Variants in EFL1 observed in about 807,000 individuals in gnomAD.
The protein encoded by EFL1 is elongation factor-like GTPase 1.
Under a neutral mutation model 126.7 loss-of-function variants are expected in EFL1, and 76 were observed. That is an observed-to-expected ratio of 0.60 (90% CI 0.50 to 0.73). EFL1 has a LOEUF of 0.73. Ranked by LOEUF, EFL1 falls within the 30% of genes least tolerant of loss-of-function variation. The pLI is 0.00. For missense variants in EFL1, 1,128 were observed against 1,343.2 expected, an observed-to-expected ratio of 0.84 and a Z score of 2.50; for synonymous variants, 410 against 448.4, an observed-to-expected ratio of 0.91 and a Z score of 1.08.
intron 15 of EFL1, among the ~76,000 whole-genome samples, chr15:82,187,058 C>T (rs1377987029): frequency 6.6e-6 from 1 of 152,166 alleles, no homozygotes; most frequent in African/African-American, 2.4e-5. Flanking sequence ...TACCTTCTTA[C>T]AGAAGCTATT....
rs11852415 is a variant in EFL1 at position 82,178,426 on chromosome 15, G to C, written c.1751-14442C>G. Among the ~76,000 whole-genome samples, 263 of 152,304 alleles carry C rather than the reference G, an allele frequency of 1.7e-3. 2 individuals carry two copies. The highest frequency in any genetic ancestry group is 6.1e-3 in the African/African-American group (253 of 41,568). ...ATACATGAACACTAGGGTTGTCAGG[G>C]TGCCCAAACTCTGCAGTAGTTTCTG... is the stretch of plus-strand genomic sequence containing the variant. On this transcript the variant is annotated intron_variant, in intron 15 of 19. Transcript: ENST00000268206.
chr15:82,145,817 C>A (rs938938302), intron 18 of EFL1, among the ~76,000 whole-genome samples: 10 of 142,676 alleles, frequency 7.0e-5, no homozygotes, highest in African/African-American at 2.6e-4. Context: ...GCCTGGGCAA[C>A]GAGAGCGAAA....
intron 3 of EFL1, among the ~76,000 whole-genome samples, chr15:82,258,226 T>A (rs375668066): frequency 6.6e-6 from 1 of 152,226 alleles, no homozygotes; most frequent in African/African-American, 2.4e-5. Flanking sequence ...TTTCAACTCA[T>A]AGCTACAAAT....
intron 15 of EFL1, among the ~76,000 whole-genome samples, chr15:82,171,817 C>T (rs2074138380): frequency 6.6e-6 from 1 of 152,014 alleles, no homozygotes; most frequent in Non-Finnish European, 1.5e-5. Flanking sequence ...TCATGCAATA[C>T]TCTCATGTAA....
intron 16 of EFL1, among the ~76,000 whole-genome samples, chr15:82,160,715 C>A (rs2074014410): frequency 6.6e-6 from 1 of 152,120 alleles, no homozygotes; most frequent in South Asian, 2.1e-4. Flanking sequence ...CTCAGATAAA[C>A]AGGATTTCTT....
chr15:82,196,008 A>G (rs2074404350), intron 15 of EFL1, among the ~76,000 whole-genome samples: 1 of 152,182 alleles, frequency 6.6e-6, no homozygotes, highest in African/African-American at 2.4e-5. Flanking sequence ...AGGCGGTGAC[A>G]TTTAGCTGGC....
intron 15 of EFL1, among the ~76,000 whole-genome samples, chr15:82,180,366 A>AAAAAAC (rs2074238250): frequency 3.8e-5 from 4 of 105,138 alleles, no homozygotes; most frequent in African/African-American, 2.3e-4. Flanking sequence ...TGGCAAAAAA[A>AAAAAAC]AAAAAACAAA....
At chr15:82,250,297 C>T (rs2075009960) in intron 4 of EFL1, among the ~76,000 whole-genome samples, 2 of 116,560 alleles carry the variant, frequency 1.7e-5, no homozygotes, top group Middle Eastern at 3.7e-3. Flanking sequence ...GATGACTGCT[C>T]GGCCCAAATT....
rs550290555 is a variant in EFL1, at chr15:82,247,160, T to C, written c.244+5531A>G. The stretch of plus-strand genomic sequence containing the variant: ...TAGAGAACATTATGAAGTCAAAGAA[T>C]GGGTACCTCATTAATCAGGTGAAAG... On this transcript the variant is annotated intron_variant, in intron 4 of 19. Coordinates refer to ENST00000268206, the MANE Select transcript of EFL1 (RefSeq NM_024580.6). 1.9e-3 allele frequency among the ~76,000 whole-genome samples: 282 copies of C among 152,092 alleles called. 1 individual carries two copies. Among genetic ancestry groups the C allele is most frequent in the Middle Eastern group, 3.4e-3 (1 of 294 alleles).
chr15:82,157,569 G>T, intron 17 of EFL1, 144 bp downstream of exon 17: 1 of 964,104 alleles, frequency 1.0e-6, no homozygotes, highest in Non-Finnish European at 1.5e-6. Flanking sequence ...GTCTACAATC[G>T]AATAACTGTT....
At chr15:82,164,365 C>A (rs1409530988) in intron 15 of EFL1, among the ~76,000 whole-genome samples, 2 of 152,116 alleles carry the variant, frequency 1.3e-5, no homozygotes, top group Non-Finnish European at 2.9e-5. Context: ...CTGAAATAAT[C>A]TTCTGCCAAA....
chr15:82,178,254 G>A (rs1407342794), intron 15 of EFL1, among the ~76,000 whole-genome samples: 2 of 152,202 alleles, frequency 1.3e-5, no homozygotes, highest in Non-Finnish European at 2.9e-5. Flanking sequence ...GACTACCAGT[G>A]AAGTCTGATT....
At chr15:82,155,410 G>C (rs577315743) in intron 17 of EFL1, among the ~76,000 whole-genome samples, 9 of 152,294 alleles carry the variant, frequency 5.9e-5, no homozygotes, top group Non-Finnish European at 1.0e-4. Context: ...GCCGAGGCAG[G>C]AGAATTGCCT....
chr15:82,225,739 TATG>T (rs1221659868), intron 11 of EFL1, among the ~76,000 whole-genome samples: 16 of 152,206 alleles, frequency 1.1e-4, no homozygotes, highest in African/African-American at 3.4e-4. Flanking sequence ...AATACTGTAT[TATG>T]ATATTAACAA....
Position 82,211,583 on chromosome 15 carries a change from A to ACACACACACACAC in EFL1, c.1750+3133_1750+3134insGTGTGTGTGTGTG, listed in dbSNP as rs1567064816. On this transcript the variant is annotated intron_variant, in intron 15 of 19. Transcript: ENST00000268206. ...ACACACACACACACACACACACACT[A>ACACACACACACAC]GACACATACTAGACACACACACACA... Among the ~76,000 whole-genome samples, 115 of 56,244 alleles carry ACACACACACACAC rather than the reference A, an allele frequency of 2.0e-3. 1 individual carries two copies. Among genetic ancestry groups the ACACACACACACAC allele is most frequent in the African/African-American group, 0.014 (114 of 8,046 alleles). 36.9% of individuals were successfully genotyped at this position (56,244 alleles called of 152,430 possible).
intron 19 of EFL1, among the ~76,000 whole-genome samples, chr15:82,131,817 T>C (rs1235656778): frequency 6.6e-6 from 1 of 152,064 alleles, no homozygotes; most frequent in Non-Finnish European, 1.5e-5. Flanking sequence ...AGTTCAATTT[T>C]ATGTTGTATG....
chr15:82,214,642 T>A (rs1254683941), intron 15 of EFL1, 75 bp downstream of exon 15: 15 of 1,426,398 alleles, frequency 1.1e-5, no homozygotes, highest in Non-Finnish European at 1.4e-5. Flanking sequence ...CTTCAAAAAT[T>A]TCACTAAATT....
intron 4 of EFL1, among the ~76,000 whole-genome samples, chr15:82,243,502 A>G (rs1596005727): frequency 6.8e-5 from 1 of 14,686 alleles, no homozygotes; most frequent in South Asian, 1.6e-3. Context: ...CTGGGGAAAC[A>G]ACACTTGCCT....
In EFL1 at chr15:82,212,079, C is replaced by T. The variant is rs767295413; in HGVS notation, c.1750+2638G>A. 2.0e-5 allele frequency among the ~76,000 whole-genome samples: 3 copies of T among 152,278 alleles called. No homozygotes were observed. In the South Asian group the frequency reaches 6.2e-4, roughly 32 times the overall value. ...AAAAATGTCTACCTCACTCCATCTC[C>T]ACCTAGGATGTCAACCTGCCATCAT... On this transcript the variant is annotated intron_variant, in intron 15 of 19. Coordinates refer to ENST00000268206, the MANE Select transcript of EFL1 (RefSeq NM_024580.6).
Sources: allele counts gnomAD v4.1 joint callset (sites outside exome capture counted in the v4.1 genomes callset), GRCh38; gene constraint gnomAD v4.1.1; transcripts MANE v1.5; gene names NCBI Gene and HGNC (gene_info 2026-07-23, HGNC 2026-07-21).